Variants in CFAP299 observed in about 807,000 individuals in gnomAD.
The protein encoded by CFAP299 is cilia and flagella associated protein 299, also known as cilia- and flagella-associated protein 299.
In CFAP299, 21 loss-of-function variants were observed where a neutral mutation model predicts 27.0. That is an observed-to-expected ratio of 0.78 (90% CI 0.55 to 1.12). CFAP299 has a LOEUF of 1.12. Ranked by LOEUF, CFAP299 falls within the 50% of genes most tolerant of loss-of-function variation. The probability of loss-of-function intolerance (pLI) is 0.00; values close to 1 mark genes in which losing one functional copy is unlikely to be tolerated. For synonymous variants in CFAP299, 104 were observed against 98.1 expected, an observed-to-expected ratio of 1.06 and a Z score of -0.36; for missense variants, 310 against 276.6, an observed-to-expected ratio of 1.12 and a Z score of -0.86.
At chr4:80,693,536 G>C (rs989569642) in intron 3 of CFAP299, among the ~76,000 whole-genome samples, 1 of 142,622 alleles carries the variant, frequency 7.0e-6, no homozygotes, top group South Asian at 2.4e-4. Context: ...ATCACACTCT[G>C]GGGACTGTGG....
chr4:80,361,028 T>C (rs759114826), intron 1 of CFAP299, among the ~76,000 whole-genome samples: 12 of 152,240 alleles, frequency 7.9e-5, no homozygotes, highest in Non-Finnish European at 1.5e-4. Context: ...GCTAGTAGCT[T>C]TGCTCTTAAC....
intron 2 of CFAP299, among the ~76,000 whole-genome samples, chr4:80,392,072 C>T (rs879450029): frequency 6.6e-6 from 1 of 152,200 alleles, no homozygotes; most frequent in Non-Finnish European, 1.5e-5. Context: ...TGACTTAGAC[C>T]TTTTCGGCCT....
chr4:80,412,826 A>C (rs1371605115), intron 2 of CFAP299, among the ~76,000 whole-genome samples: 1 of 152,204 alleles, frequency 6.6e-6, no homozygotes, highest in Non-Finnish European at 1.5e-5. Context: ...TGGTTAAAGT[A>C]ATCTCAGTTC....
At chr4:80,566,015 C>T (rs1214277098) in intron 2 of CFAP299, among the ~76,000 whole-genome samples, 1 of 151,986 alleles carries the variant, frequency 6.6e-6, no homozygotes. Context: ...TGCTTTCCCC[C>T]AGTGACTAAG....
chr4:80,373,104 C>T (rs913695078), intron 2 of CFAP299, among the ~76,000 whole-genome samples: 3 of 152,014 alleles, frequency 2.0e-5, no homozygotes, highest in Non-Finnish European at 2.9e-5. Flanking sequence ...AGTCAATGAT[C>T]CCTGAGTGGC....
intron 2 of CFAP299, among the ~76,000 whole-genome samples, chr4:80,516,116 G>C (rs554155946): frequency 1.3e-3 from 191 of 150,978 alleles, no homozygotes; most frequent in African/African-American, 3.9e-3. Flanking sequence ...TGCCTCCCAG[G>C]TTCAAGGGAT....
chr4:80,567,803 A>ATT (rs1735384293), intron 2 of CFAP299, among the ~76,000 whole-genome samples: 1 of 151,258 alleles, frequency 6.6e-6, no homozygotes, highest in Non-Finnish European at 1.5e-5. Context: ...TTTAAAGTCT[A>ATT]GGAAACCAAT....
At chr4:80,378,128 C>T (rs1724513793) in intron 2 of CFAP299, among the ~76,000 whole-genome samples, 1 of 152,166 alleles carries the variant, frequency 6.6e-6, no homozygotes, top group Admixed American at 6.5e-5. Flanking sequence ...CAAACCATAT[C>T]AATAGCTTTC....
intron 4 of CFAP299, 180 bp downstream of exon 4, chr4:80,870,315 T>C (rs1461812105): frequency 8.0e-7 from 1 of 1,254,604 alleles, no homozygotes; most frequent in East Asian, 3.1e-5. Flanking sequence ...GTTTTTCCTT[T>C]AACAGCCTGA....
intron 4 of CFAP299, among the ~76,000 whole-genome samples, chr4:80,906,973 C>CA (rs924645845): frequency 2.6e-5 from 4 of 152,166 alleles, no homozygotes; most frequent in South Asian, 2.1e-4. Flanking sequence ...AATTTCTCTC[C>CA]AAAAAATGGG....
rs561630430 is a variant in CFAP299 at position 80,476,646 on chromosome 4, C to A, written c.243-106447C>A. On this transcript the variant is annotated intron_variant, in intron 2 of 5. Transcript: ENST00000358105. ...ACCAACTCTGGGGGTCTAAATGGGT[C>A]CCCATGATTAATCTCATTGTGTTCT... Among the ~76,000 whole-genome samples the A allele has an allele frequency of 3.3e-5, 5 of 152,194 alleles. No individual in the cohort carries two copies. The South Asian group carries it at 1.0e-3, about 32-fold the overall frequency.
chr4:80,429,239 T>G (rs960348012), intron 2 of CFAP299, among the ~76,000 whole-genome samples: 3 of 152,206 alleles, frequency 2.0e-5, no homozygotes, highest in African/African-American at 7.2e-5. Context: ...TTAGCCTTGT[T>G]GAAACAATAA....
intron 3 of CFAP299, among the ~76,000 whole-genome samples, chr4:80,735,202 T>C (rs1723781633): frequency 6.6e-6 from 1 of 152,144 alleles, no homozygotes; most frequent in African/African-American, 2.4e-5. Context: ...ATTTTATTTG[T>C]GGCTATTGTA....
chr4:80,544,628 CATA>C (rs1734147327), intron 2 of CFAP299, among the ~76,000 whole-genome samples: 1 of 152,132 alleles, frequency 6.6e-6, no homozygotes, highest in South Asian at 2.1e-4. Context: ...AAGAGCATTA[CATA>C]ATAATAAGGG....
chr4:80,555,938 C>T (rs1197832425), intron 2 of CFAP299, among the ~76,000 whole-genome samples: 7 of 151,802 alleles, frequency 4.6e-5, no homozygotes, highest in Non-Finnish European at 1.5e-5. Flanking sequence ...ATTCTTTTTA[C>T]AAAAGTATAC....
chr4:80,812,127 T>A (rs1729185823), intron 3 of CFAP299, among the ~76,000 whole-genome samples: 1 of 151,988 alleles, frequency 6.6e-6, no homozygotes, highest in Admixed American at 6.6e-5. Context: ...TTCCAAAAAG[T>A]AAGTTTGTAA....
chr4:80,799,451 A>C lies in CFAP299; in HGVS notation c.334-70542A>C, dbSNP rs1413564738. The stretch of plus-strand genomic sequence containing the variant: ...ATAATATATATAATATTTATAAAAT[A>C]TATATAATATATTTTATAAATATAT... On this transcript the variant is annotated intron_variant, in intron 3 of 5. Coordinates refer to ENST00000358105, the MANE Select transcript of CFAP299 (RefSeq NM_152770.3). 1.0e-3 allele frequency among the ~76,000 whole-genome samples: 92 copies of C among 91,304 alleles called. 1 individual carries two copies. The highest frequency in any genetic ancestry group is 4.0e-3 in the African/African-American group (88 of 21,784). 59.9% of individuals were successfully genotyped at this position (91,304 alleles called of 152,430 possible).
At chr4:80,566,886 C>A (rs2110228862) in intron 2 of CFAP299, among the ~76,000 whole-genome samples, 1 of 152,154 alleles carries the variant, frequency 6.6e-6, no homozygotes, top group South Asian at 2.1e-4. Flanking sequence ...CCTTTATCCC[C>A]TGAAAGTGTG....
intron 2 of CFAP299, among the ~76,000 whole-genome samples, chr4:80,576,306 C>T (rs1334020062): frequency 6.6e-6 from 1 of 151,082 alleles, no homozygotes. Flanking sequence ...ATTATTTTCT[C>T]CTAATTTATA....
Sources: allele counts gnomAD v4.1 joint callset (sites outside exome capture counted in the v4.1 genomes callset), GRCh38; gene constraint gnomAD v4.1.1; transcripts MANE v1.5; gene names NCBI Gene and HGNC (gene_info 2026-07-23, HGNC 2026-07-21).